ANKRD36: variants seen among roughly 807,000 people sequenced by gnomAD.
The protein encoded by ANKRD36 is ankyrin repeat domain 36.
A neutral mutation model predicts 278.1 loss-of-function variants in ANKRD36; 179 were observed. The observed-to-expected ratio is 0.64, with a 90% CI of 0.57 to 0.73. The LOEUF is 0.73. Among genes scored for constraint, ANKRD36 ranks in the 30% least tolerant of loss-of-function variants. ANKRD36 has a pLI of 0.00. For missense variants in ANKRD36, 1,159 were observed against 1,956.7 expected (o/e 0.59, Z 7.69); for synonymous variants, 320 against 641.1 (o/e 0.50, Z 7.57).
intron 22 of ANKRD36, among the ~76,000 whole-genome samples, chr2:97,171,089 T>C (rs1259846294): frequency 7.0e-6 from 1 of 143,530 alleles, no homozygotes; most frequent in African/African-American, 2.6e-5. Flanking sequence ...AGGAACACTT[T>C]TACACTGTTG....
At position 97,194,816 on chromosome 2, in the gene ANKRD36, T is replaced by C. The variant is rs1234046098; in HGVS notation, c.2479-29T>C. Reference sequence around the variant, plus strand: ...CGTATAGCCTATGAAACATACCTTATTTATTATTTTGTTTCAAATTCCACT... The same window carrying C: ...CGTATAGCCTATGAAACATACCTTACTTATTATTTTGTTTCAAATTCCACT... On this transcript the variant is annotated intron_variant, in intron 39 of 75. Transcript: ENST00000420699. The C allele has an allele frequency of 5.0e-6, 8 of 1,601,558 alleles. No individual in the cohort carries two copies. The East Asian group carries it at 1.1e-4, about 23-fold the overall frequency.
chr2:97,115,376 C>G (rs984935665), intron 1 of ANKRD36, among the ~76,000 whole-genome samples: 1 of 151,902 alleles, frequency 6.6e-6, no homozygotes, highest in African/African-American at 2.4e-5. Flanking sequence ...CTACAAATAT[C>G]ACAAGCACAC....
At position 97,149,375 on chromosome 2, in the gene ANKRD36, T is replaced by C. The variant is rs1288979269; in HGVS notation, c.1101+14T>C. 2.0e-6 allele frequency: 3 copies of C among 1,511,408 alleles called. No homozygotes were observed. The highest frequency in any genetic ancestry group is 2.6e-6 in the Non-Finnish European group (3 of 1,136,484). The allele number at this position is 1,511,408 out of a possible 1,614,324, so 93.6% of individuals were successfully genotyped here. A position where few individuals can be genotyped will look rare whatever the true frequency, so the allele number is the denominator to read the frequency against. On this transcript the variant is annotated intron_variant, in intron 12 of 75. Transcript: ENST00000420699. ...TTGGAATCTGAGGTAGAGTACTCTC[T>C]TGTGAAATTAATTTTCTCCCTCTGA...
intron 64 of ANKRD36, among the ~76,000 whole-genome samples, chr2:97,217,641 G>C (rs1320561733): frequency 6.6e-6 from 1 of 152,102 alleles, no homozygotes; most frequent in Non-Finnish European, 1.5e-5. Flanking sequence ...AAGAGGATCC[G>C]GGGACAGCAT....
At chr2:97,144,306 T>A (rs1393274695) in intron 8 of ANKRD36, among the ~76,000 whole-genome samples, 1 of 152,150 alleles carries the variant, frequency 6.6e-6, no homozygotes, top group East Asian at 1.9e-4. Context: ...ATATCACATA[T>A]GAAATTGGAA....
intron 6 of ANKRD36, among the ~76,000 whole-genome samples, chr2:97,138,695 G>T (rs971071632): frequency 3.3e-5 from 5 of 151,910 alleles, no homozygotes; most frequent in African/African-American, 1.2e-4. Context: ...ATACTACAAG[G>T]CTACAGTAAT....
At chr2:97,215,964 G>A (rs1175529850) in intron 62 of ANKRD36, 1 of 307,858 alleles carries the variant, frequency 3.2e-6, no homozygotes, top group African/African-American at 2.2e-5. Context: ...GAGGGATTGT[G>A]AGGCAGGAAG....
intron 58 of ANKRD36, 73 bp downstream of exon 58, chr2:97,211,814 GC>G: frequency 2.7e-6 from 4 of 1,473,430 alleles, no homozygotes; most frequent in Non-Finnish European, 3.7e-6. Context: ...AAATAAAACA[GC>G]GGGGGGTTCG....
intron 6 of ANKRD36, among the ~76,000 whole-genome samples, chr2:97,130,207 C>A (rs62152985): frequency 0.029 from 4,331 of 151,946 alleles, 115 homozygotes; most frequent in Non-Finnish European, 0.041. Context: ...AAATGTCCAA[C>A]ACTGATAGAC....
intron 22 of ANKRD36, among the ~76,000 whole-genome samples, chr2:97,168,646 C>T (rs80046740): frequency 6.6e-6 from 1 of 152,232 alleles, no homozygotes; most frequent in Non-Finnish European, 1.5e-5. Flanking sequence ...TGTGATGTTC[C>T]CCTCCCTGTG....
intron 26 of ANKRD36, among the ~76,000 whole-genome samples, 200 bp from the exon 27 acceptor site, chr2:97,183,257 CTG>C (rs1258107328): frequency 1.3e-5 from 2 of 151,648 alleles, no homozygotes; most frequent in African/African-American, 4.8e-5. Flanking sequence ...TAATTTCTGA[CTG>C]TATATTTTCT....
chr2:97,117,479 CAATT>C (rs2035796891), intron 1 of ANKRD36, among the ~76,000 whole-genome samples: 1 of 151,762 alleles, frequency 6.6e-6, no homozygotes, highest in Non-Finnish European at 1.5e-5. Context: ...ATGTAATAAA[CAATT>C]AATTGTAAAC....
intron 14 of ANKRD36, 53 bp downstream of exon 14, chr2:97,152,587 A>T: frequency 7.1e-7 from 1 of 1,399,418 alleles, no homozygotes; most frequent in African/African-American, 1.4e-5. Flanking sequence ...GAATAGAGAG[A>T]AGAGAAACTA....
At chr2:97,168,400 T>C in intron 22 of ANKRD36, among the ~76,000 whole-genome samples, 1 of 152,300 alleles carries the variant, frequency 6.6e-6, no homozygotes, top group Non-Finnish European at 1.5e-5. Context: ...CTTAGAGTCT[T>C]TGATACTACT....
intron 75 of ANKRD36, among the ~76,000 whole-genome samples, chr2:97,256,272 G>C (rs1240284176): frequency 6.7e-6 from 1 of 150,034 alleles, no homozygotes; most frequent in African/African-American, 2.4e-5. Flanking sequence ...TAGGAGAATT[G>C]CTTGAACCTG....
rs534509630 is a variant in ANKRD36 at position 97,206,093 on chromosome 2, A to C, written c.3121A>C (p.Ser1041Arg). The change falls in exon 52 of 76, where the codon AGT (serine) becomes CGT (arginine). Residue 1041 changes from serine to arginine, a missense_variant. Ser to Arg is a moderately radical substitution (Grantham distance 110). Transcript: ENST00000420699. ...ATSDEEDSVL[S>R]IARENKDGEK... is the part of the protein sequence containing the mutation. Reference sequence around the variant, plus strand: ...AAGTGATGAGGAAGATTCTGTTTTGAGTATAGCCAGAGAAAACAAGGATGG... The same window carrying C: ...AAGTGATGAGGAAGATTCTGTTTTGCGTATAGCCAGAGAAAACAAGGATGG... 3 of 1,549,628 alleles carry C rather than the reference A, an allele frequency of 1.9e-6. No homozygotes were observed. Among genetic ancestry groups the C allele is most frequent in the Non-Finnish European group, 2.6e-6 (3 of 1,149,150 alleles).
Position 97,193,014 on chromosome 2 carries a change from A to G in ANKRD36, c.2410A>G (p.Ile804Val). 1 of 1,575,290 alleles carries G rather than the reference A, an allele frequency of 6.3e-7. No homozygotes were observed. Among genetic ancestry groups the G allele is most frequent in the African/African-American group, 1.4e-5 (1 of 73,760 alleles). The change falls in exon 38 of 76, where the codon ATA (isoleucine) becomes GTA (valine). Residue 804 changes from isoleucine (I) to valine (V), a missense_variant. Ile to Val is a conservative substitution (Grantham distance 29). Transcript: ENST00000420699. ...TSDEEGSVLS[I>V]ARENKDGEKS... ...TGACGAGGAAGGTTCTGTTTTGAGT[A>G]TAGCCAGAGAAAACAAGGATGGAGA...
intron 42 of ANKRD36, among the ~76,000 whole-genome samples, chr2:97,197,358 A>G (rs1324137561): frequency 3.3e-5 from 5 of 152,056 alleles, no homozygotes; most frequent in South Asian, 2.1e-4. Flanking sequence ...TTAATAAAAA[A>G]TACTTGATTT....
chr2:97,196,528 T>C (rs1376667931), intron 40 of ANKRD36, 65 bp from the exon 41 acceptor site: 10 of 1,596,588 alleles, frequency 6.3e-6, no homozygotes, highest in Admixed American at 3.4e-5. Context: ...CTAACTCTGC[T>C]TGAATGTATG....
Sources: allele counts gnomAD v4.1 joint callset (sites outside exome capture counted in the v4.1 genomes callset), GRCh38; gene constraint gnomAD v4.1.1; transcripts MANE v1.5; gene names NCBI Gene and HGNC (gene_info 2026-07-23, HGNC 2026-07-21).